Variants in ZNF454 observed in about 807,000 individuals in gnomAD.
The protein encoded by ZNF454 is zinc finger protein 454.
In ZNF454, 30 loss-of-function variants were observed where a neutral mutation model predicts 48.2. The observed-to-expected ratio is 0.62, with a 90% confidence interval of 0.47 to 0.84. The LOEUF (loss-of-function observed/expected upper bound fraction) is 0.84. Among genes scored for constraint, ZNF454 ranks in the 40% least tolerant of loss-of-function variants. ZNF454 has a pLI of 0.00. For synonymous variants in ZNF454, 204 were observed against 211.4 expected (o/e 0.97, Z 0.30); for missense variants, 510 against 623.1 (o/e 0.82, Z 1.93).
At chr5:178,989,217 A>G in the ZNF454 span, 7 of 957,446 alleles carry the variant, frequency 7.3e-6, no homozygotes, top group Admixed American at 2.7e-5. Context: ...CCCCACCCTC[A>G]CCACCCTCCC....
chr5:178,950,042 CT>C, intron 4 of ZNF454, among the ~76,000 whole-genome samples: 1 of 151,712 alleles, frequency 6.6e-6, no homozygotes, highest in South Asian at 2.1e-4. Flanking sequence ...AGAATGCACA[CT>C]TTTTTTGTGT....
At chr5:178,975,897 C>A in the ZNF454 span, among the ~76,000 whole-genome samples, 1 of 152,182 alleles carries the variant, frequency 6.6e-6, no homozygotes, top group Non-Finnish European at 1.5e-5. Flanking sequence ...GCCTTCGGAG[C>A]AAAACTCTCT....
intron 1 of ZNF454, among the ~76,000 whole-genome samples, chr5:178,942,164 G>A (rs1334796864): frequency 6.6e-6 from 1 of 152,302 alleles, no homozygotes; most frequent in East Asian, 1.9e-4. Flanking sequence ...AGTACTTTGG[G>A]AGGCCGAGGC....
chr5:178,987,080 A>G, the ZNF454 span: 1 of 1,263,444 alleles, frequency 7.9e-7, no homozygotes, highest in Non-Finnish European at 1.1e-6. Context: ...GGAGGAGCTT[A>G]ACAAGCATCA....
chr5:178,985,505 C>T, the ZNF454 span: 147 of 338,888 alleles, frequency 4.3e-4, 1 homozygote, highest in African/African-American at 2.1e-3. Context: ...AGATCGAGAC[C>T]ATCCTGGCTA....
At chr5:178,945,013 T>C (rs111622670) in intron 2 of ZNF454, among the ~76,000 whole-genome samples, 10,975 of 149,520 alleles carry the variant, frequency 0.073, 521 homozygotes, top group Non-Finnish European at 0.1. Context: ...TGTATGCACA[T>C]GTGCACACGT....
chr5:178,958,306 A>G (rs956005555), intron 4 of ZNF454, among the ~76,000 whole-genome samples: 1 of 152,156 alleles, frequency 6.6e-6, no homozygotes, highest in South Asian at 2.1e-4. Context: ...TACTCTGGCA[A>G]TAGATTTGTT....
the ZNF454 span, chr5:178,985,596 G>C: frequency 4.3e-5 from 15 of 348,112 alleles, no homozygotes; most frequent in East Asian, 2.4e-4. Context: ...CCAGCTACTC[G>C]GGAGGCTGAG....
Position 178,941,429 on chromosome 5 carries a change from C to T in ZNF454, c.-123C>T, listed in dbSNP as rs897571668. The stretch of plus-strand genomic sequence containing the variant: ...TTCTGGAGGACGCTGATCGAATGCC[C>T]CAAACTTCCCGGAATGTATGTCTGA... On this transcript the variant is annotated 5_prime_UTR_variant, in exon 1 of 5. Transcript: ENST00000519564. The surrounding 1 kb of genome is among the most constrained non-coding windows in gnomAD (Gnocchi z 5.5). 2.2e-5 allele frequency: 10 copies of T among 456,434 alleles called. No homozygotes were observed. In the Middle Eastern group the frequency reaches 9.8e-4, roughly 45 times the overall value. The allele number at this position is 456,434 out of a possible 1,614,324, so 28.3% of individuals were successfully genotyped here. A position where few individuals can be genotyped will look rare whatever the true frequency, so the allele number is the denominator to read the frequency against.
chr5:178,956,671 TTTAATTTATTTA>T (rs1163007391), intron 4 of ZNF454, among the ~76,000 whole-genome samples: 2,803 of 120,924 alleles, frequency 0.023, 57 homozygotes, highest in East Asian at 0.041. Context: ...TTTTATTTTA[TTTAATTTATTTA>T]TTTATTTATT....
the ZNF454 span, among the ~76,000 whole-genome samples, chr5:178,977,142 A>G: frequency 1.7e-3 from 255 of 152,330 alleles, no homozygotes; most frequent in South Asian, 5.8e-3. Flanking sequence ...AAAAGATACA[A>G]GAAGCAGAAA....
In ZNF454 at chr5:178,946,915, C is replaced by A. The variant is rs1301112829; in HGVS notation, c.179C>A (p.Pro60Gln). The change falls in exon 4 of 5, where the codon CCA (proline) becomes CAA (glutamine). Residue 60 changes from proline to glutamine, a missense_variant. Transcript: ENST00000519564. The surrounding 1 kb of genome is among the most constrained non-coding windows in gnomAD (Gnocchi z 4.5). ...AAAACAGGACTCTTAGGACCCAAAC[C>A]AGATACGTTTTCCCAGCTAGAAAAA... Reference protein sequence around the residue: ...LVSLGLLGPKPDTFSQLEKRE... With the variant: ...LVSLGLLGPKQDTFSQLEKRE... 6.2e-7 allele frequency: 1 copy of A among 1,614,088 alleles called. No individual in the cohort carries two copies. The highest frequency in any genetic ancestry group is 1.3e-5 in the African/African-American group (1 of 75,026).
intron 4 of ZNF454, chr5:178,948,254 A>T (rs1273152425): frequency 6.6e-6 from 1 of 151,328 alleles, no homozygotes; most frequent in African/African-American, 2.5e-5. Flanking sequence ...AGTTGTCAAC[A>T]AACAATTTTT....
chr5:178,965,283 A>G lies in ZNF454; in HGVS notation c.879A>G (p.Ile293Met). 7 of 1,614,230 alleles carry G rather than the reference A, an allele frequency of 4.3e-6. No individual in the cohort carries two copies. The highest frequency in any genetic ancestry group is 5.9e-6 in the Non-Finnish European group (7 of 1,180,036). The change falls in exon 5 of 5, where the codon ATA (isoleucine) becomes ATG (methionine). Residue 293 changes from isoleucine to methionine, a missense_variant. Physicochemically the swap from Ile to Met is conservative, Grantham distance 10. Coordinates refer to ENST00000519564, the MANE Select transcript of ZNF454 (RefSeq NM_001178089.3). The surrounding 1 kb of genome is among the most constrained non-coding windows in gnomAD (Gnocchi z 5.2). ...RNIHLAHHHRIHTGEKPFKCN... is the reference protein window; with the variant it reads ...RNIHLAHHHRMHTGEKPFKCN... The stretch of plus-strand genomic sequence containing the variant: ...TACACCTTGCCCATCATCATAGAAT[A>G]CATACTGGAGAGAAACCTTTTAAAT...
the ZNF454 span, chr5:178,986,403 C>T: frequency 6.2e-7 from 1 of 1,613,866 alleles, no homozygotes; most frequent in South Asian, 1.1e-5. Flanking sequence ...GGCCCGAGGC[C>T]CGGACGATGG....
At chr5:178,971,727 G>A in the ZNF454 span, among the ~76,000 whole-genome samples, 1 of 151,580 alleles carries the variant, frequency 6.6e-6, no homozygotes, top group Non-Finnish European at 1.5e-5. Context: ...GTGGTGGCGG[G>A]CGCATGTAGT....
chr5:178,968,952 C>T (rs930385493), downstream of ZNF454: 1 of 440,854 alleles, frequency 2.3e-6, no homozygotes, highest in Non-Finnish European at 4.6e-6. Flanking sequence ...ACAGTGCACT[C>T]TCCCTGAGTT....
Position 178,942,786 on chromosome 5 carries a change from G to T in ZNF454, c.-6G>T. The T allele has an allele frequency of 6.2e-7, 1 of 1,614,048 alleles. No homozygotes were observed. The highest frequency in any genetic ancestry group is 8.5e-7 in the Non-Finnish European group (1 of 1,179,980). ...GTCCCTAAGAGGGCTCATCGGAGAA[G>T]AAAGAATGGCTGTCAGCCACCTGCC... On this transcript the variant is annotated 5_prime_UTR_variant, in exon 2 of 5. Transcript: ENST00000519564.
At chr5:178,959,868 G>A (rs3857417) in intron 4 of ZNF454, among the ~76,000 whole-genome samples, 44,138 of 151,278 alleles carry the variant, frequency 0.29, 6,791 homozygotes, top group East Asian at 0.38. Flanking sequence ...GCCTCCCAAA[G>A]TGCTGGGATT....
Sources: gnomAD v4.1 joint callset for allele counts (sites outside exome capture counted in the v4.1 genomes callset) on GRCh38, gnomAD v4.1.1 for gene constraint, Gnocchi (gnomAD v3.1) non-coding constraint, MANE v1.5 for transcripts, NCBI Gene and HGNC (gene_info 2026-07-23, HGNC 2026-07-21) for gene names.